The following TAFA5 variants were observed in gnomAD, a reference collection of about 807,000 sequenced individuals.
TAFA5 encodes the protein TAFA chemokine like family member 5.
In TAFA5, 6 loss-of-function variants were observed where a neutral mutation model predicts 15.3. That is an observed-to-expected ratio of 0.39 (90% CI 0.21 to 0.77). The LOEUF (loss-of-function observed/expected upper bound fraction) is 0.77, where lower values mean the gene tolerates loss of function less well. Ranked by LOEUF, TAFA5 falls within the 30% of genes least tolerant of loss-of-function variation. The pLI is 0.41. For synonymous variants in TAFA5, 103 were observed against 80.7 expected, an observed-to-expected ratio of 1.28 and a Z score of -1.48; for missense variants, 161 against 193.1, an observed-to-expected ratio of 0.83 and a Z score of 0.98.
intron 3 of TAFA5, among the ~76,000 whole-genome samples, chr22:48,717,527 GA>G (rs887113856): frequency 1.4e-4 from 21 of 152,210 alleles, no homozygotes; most frequent in African/African-American, 4.6e-4. Context: ...TTCAGGGAGG[GA>G]AAAAACGAAG....
intron 1 of TAFA5, among the ~76,000 whole-genome samples, chr22:48,506,210 A>T (rs1165527230): frequency 3.3e-5 from 5 of 152,000 alleles, no homozygotes; most frequent in Non-Finnish European, 7.4e-5. Context: ...GGTCTCCATG[A>T]CCTTTCATGA....
intron 1 of TAFA5, among the ~76,000 whole-genome samples, chr22:48,607,308 AG>A (rs1925229046): frequency 7.2e-6 from 1 of 138,144 alleles, no homozygotes; most frequent in Admixed American, 7.0e-5. Flanking sequence ...GGTTCTGATT[AG>A]GGCTGGCCCA....
At chr22:48,555,641 C>A (rs747618694) in intron 1 of TAFA5, among the ~76,000 whole-genome samples, 26 of 152,206 alleles carry the variant, frequency 1.7e-4, no homozygotes, top group Non-Finnish European at 3.1e-4. Context: ...ACCCCCCACG[C>A]CACGGGCACC....
At chr22:48,578,855 G>A (rs192399526) in intron 1 of TAFA5, among the ~76,000 whole-genome samples, 334 of 152,180 alleles carry the variant, frequency 2.2e-3, no homozygotes, top group African/African-American at 7.9e-3. Context: ...AGTGAGAGGT[G>A]CAGGGAGGGG....
intron 2 of TAFA5, among the ~76,000 whole-genome samples, chr22:48,671,352 G>T (rs1927798919): frequency 6.6e-6 from 1 of 152,222 alleles, no homozygotes; most frequent in East Asian, 1.9e-4. Context: ...GTCTTTCTCT[G>T]CTCAGGGCAT....
At chr22:48,644,639 T>C (rs1926800633) in intron 1 of TAFA5, among the ~76,000 whole-genome samples, 1 of 152,342 alleles carries the variant, frequency 6.6e-6, no homozygotes. Context: ...ATGTCTGCCC[T>C]GGCCAGGGTG....
intron 2 of TAFA5, among the ~76,000 whole-genome samples, chr22:48,677,339 G>A (rs986742770): frequency 1.3e-5 from 2 of 152,258 alleles, no homozygotes; most frequent in Non-Finnish European, 2.9e-5. Context: ...CTCGGACGTC[G>A]GTTTCAGATG....
rs1489658135 is a variant in TAFA5, at chr22:48,707,713, A to G, written c.263-4A>G. 1 of 1,613,586 alleles carries G rather than the reference A, an allele frequency of 6.2e-7. No homozygotes were observed. ...GCTGATTGCCTCTCTCTTTTCTCCC[A>G]CAGCAAGAATCATCAAGACCAAGCA... On this transcript the variant is annotated splice_region_variant and splice_polypyrimidine_tract_variant and intron_variant, in intron 2 of 3. Coordinates refer to ENST00000402357, the MANE Select transcript of TAFA5 (RefSeq NM_001082967.3).
intron 2 of TAFA5, among the ~76,000 whole-genome samples, chr22:48,652,411 G>A (rs917195411): frequency 6.6e-6 from 1 of 151,858 alleles, no homozygotes; most frequent in Non-Finnish European, 1.5e-5. Flanking sequence ...GATAAGGAAG[G>A]CCCTGCTTCC....
intron 2 of TAFA5, among the ~76,000 whole-genome samples, chr22:48,677,470 G>A (rs1198635872): frequency 2.0e-5 from 3 of 152,234 alleles, no homozygotes; most frequent in Non-Finnish European, 4.4e-5. Context: ...TTGAGGGACT[G>A]CTCCCCGGCA....
Position 48,576,638 on chromosome 22 carries a change from C to G in TAFA5, c.113-69959C>G, listed in dbSNP as rs577815736. 4.7e-3 allele frequency: 6,113 copies of G among 1,288,570 alleles called. 24 individuals carry two copies. Among genetic ancestry groups the G allele is most frequent in the Middle Eastern group, 0.011 (51 of 4,844 alleles). The allele number at this position is 1,288,570 out of a possible 1,614,324, so 79.8% of individuals were successfully genotyped here. ...CCCGGCTCGCGGCGGCTCCGGCGCC[C>G]GACCCGGCTTCCAGCACGTTCCGCT... On this transcript the variant is annotated intron_variant, in intron 1 of 3. Coordinates refer to ENST00000402357, the MANE Select transcript of TAFA5 (RefSeq NM_001082967.3).
chr22:48,619,728 G>C (rs930646843), intron 1 of TAFA5, among the ~76,000 whole-genome samples: 2 of 152,234 alleles, frequency 1.3e-5, no homozygotes, highest in Admixed American at 1.3e-4. Flanking sequence ...CAGTCTGGCA[G>C]CATGGGCGTC....
chr22:48,617,189 C>G (rs966291870), intron 1 of TAFA5, among the ~76,000 whole-genome samples: 5 of 149,194 alleles, frequency 3.4e-5, no homozygotes, highest in Non-Finnish European at 7.5e-5. Flanking sequence ...GGCGTGACTG[C>G]GGCTTATCCA....
chr22:48,717,262 C>T (rs1441765388), intron 3 of TAFA5, among the ~76,000 whole-genome samples: 1 of 152,206 alleles, frequency 6.6e-6, no homozygotes, highest in Non-Finnish European at 1.5e-5. Context: ...TCTTGCAGAG[C>T]GCAGGCTGCG....
At chr22:48,578,249 A>T (rs1179227256) in intron 1 of TAFA5, among the ~76,000 whole-genome samples, 1 of 152,160 alleles carries the variant, frequency 6.6e-6, no homozygotes, top group Non-Finnish European at 1.5e-5. Context: ...AGTTCCACTG[A>T]CTTTGAAGCT....
At chr22:48,695,085 A>T (rs1397571119) in intron 2 of TAFA5, among the ~76,000 whole-genome samples, 1 of 151,210 alleles carries the variant, frequency 6.6e-6, no homozygotes, top group South Asian at 2.1e-4. Context: ...CCCCATTTCC[A>T]TTTGACTTCG....
At chr22:48,514,028 C>CG (rs1189463341) in intron 1 of TAFA5, among the ~76,000 whole-genome samples, 3 of 152,084 alleles carry the variant, frequency 2.0e-5, no homozygotes, top group African/African-American at 7.2e-5. Context: ...GCAGGTCTCT[C>CG]GGGGGTGTAG....
intron 1 of TAFA5, among the ~76,000 whole-genome samples, chr22:48,537,101 T>C (rs986958431): frequency 1.3e-5 from 2 of 152,096 alleles, no homozygotes; most frequent in African/African-American, 4.8e-5. Context: ...CTGGCAGGAA[T>C]TGGGGAGGTC....
chr22:48,625,535 C>CGATCA (rs1181461993), intron 1 of TAFA5, among the ~76,000 whole-genome samples: 1 of 152,194 alleles, frequency 6.6e-6, no homozygotes, highest in Non-Finnish European at 1.5e-5. Flanking sequence ...ACAGTGCTTA[C>CGATCA]GATCAGGTCC....
Sources: allele counts gnomAD v4.1 joint callset (sites outside exome capture counted in the v4.1 genomes callset), GRCh38; gene constraint gnomAD v4.1.1; transcripts MANE v1.5; gene names NCBI Gene and HGNC (gene_info 2026-07-23, HGNC 2026-07-21).